ARL13B: variants seen among roughly 807,000 people sequenced by gnomAD.
ARL13B encodes the protein ARF like GTPase 13B.
A neutral mutation model predicts 56.1 loss-of-function variants in ARL13B; 36 were observed. The observed-to-expected ratio is 0.64, with a 90% CI of 0.49 to 0.85. The LOEUF (loss-of-function observed/expected upper bound fraction) is 0.85. Among genes scored for constraint, ARL13B ranks in the 40% least tolerant of loss-of-function variants. The probability of loss-of-function intolerance (pLI) is 0.00; values close to 1 mark genes in which losing one functional copy is unlikely to be tolerated. For synonymous variants in ARL13B, 178 were observed against 171.1 expected, an observed-to-expected ratio of 1.04 and a Z score of -0.32; for missense variants, 519 against 507.1, an observed-to-expected ratio of 1.02 and a Z score of -0.23.
chr3:94,045,477 AAAG>A (rs1273882483), intron 7 of ARL13B, among the ~76,000 whole-genome samples: 2 of 151,924 alleles, frequency 1.3e-5, no homozygotes, highest in Admixed American at 6.5e-5. Flanking sequence ...GAAAGAAAAA[AAAG>A]AGTTAAAATG....
At chr3:94,039,656 A>G (rs2076829310) in intron 5 of ARL13B, among the ~76,000 whole-genome samples, 1 of 152,160 alleles carries the variant, frequency 6.6e-6, no homozygotes, top group Non-Finnish European at 1.5e-5. Flanking sequence ...CTCATAGGAA[A>G]TGTCATTTTT....
intron 3 of ARL13B, among the ~76,000 whole-genome samples, chr3:94,035,041 GC>G (rs2076742371): frequency 6.6e-6 from 1 of 152,066 alleles, no homozygotes; most frequent in South Asian, 2.1e-4. Context: ...TTCAAGACCA[GC>G]CTGGCCAACA....
At chr3:93,991,656 C>T (rs1194715384) in intron 1 of ARL13B, among the ~76,000 whole-genome samples, 1 of 152,164 alleles carries the variant, frequency 6.6e-6, no homozygotes, top group East Asian at 1.9e-4. Context: ...CAGGTGTGAG[C>T]CACCATGTCC....
rs752593584 is a variant in ARL13B at position 94,043,003 on chromosome 3, ATTTT to A, written c.799-9_799-6del. On this transcript the variant is annotated splice_region_variant and splice_polypyrimidine_tract_variant and intron_variant, in intron 6 of 9. Coordinates refer to ENST00000394222, the MANE Select transcript of ARL13B (RefSeq NM_001174150.2). ...CATCATAGTAAAGATAATGTATTTT[ATTTT>A]TTGTTAGAATGAAGGAAAACTTGAA... 8.8e-6 allele frequency: 14 copies of A among 1,584,014 alleles called. No individual in the cohort carries two copies.
chr3:93,988,083 A>G (rs1006514135), intron 1 of ARL13B, among the ~76,000 whole-genome samples: 15 of 152,282 alleles, frequency 9.9e-5, no homozygotes, highest in Non-Finnish European at 2.1e-4. Flanking sequence ...GTTTAATAGC[A>G]TGTACACTAT....
At chr3:94,036,321 T>C (rs1365915917) in intron 4 of ARL13B, among the ~76,000 whole-genome samples, 1 of 152,146 alleles carries the variant, frequency 6.6e-6, no homozygotes, top group Non-Finnish European at 1.5e-5. Context: ...TGTCACCCTC[T>C]TCTTTATAAT....
At chr3:94,044,838 C>T (rs1330992709) in intron 7 of ARL13B, among the ~76,000 whole-genome samples, 4 of 145,398 alleles carry the variant, frequency 2.8e-5, no homozygotes, top group Non-Finnish European at 6.0e-5. Flanking sequence ...TCTGCCCGGC[C>T]GCCCCGTCTG....
At chr3:93,981,417 G>C (rs1415762119) in intron 1 of ARL13B, among the ~76,000 whole-genome samples, 1 of 151,632 alleles carries the variant, frequency 6.6e-6, no homozygotes, top group Non-Finnish European at 1.5e-5. Flanking sequence ...CCATGAGAAT[G>C]AACTATCCTT....
chr3:94,045,392 A>G (rs1157976107), intron 7 of ARL13B, among the ~76,000 whole-genome samples: 8 of 151,054 alleles, frequency 5.3e-5, no homozygotes, highest in Non-Finnish European at 8.9e-5. Context: ...CTATTATCCT[A>G]TGACCGTGCC....
At position 94,049,536 on chromosome 3, in the gene ARL13B, T is replaced by A. The variant is rs1229236448; in HGVS notation, c.1141+14T>A. ...CCCCTCCTCCTGGTGAGTAAATTGATACTGATACTGAATTTAGAAATATTG... is the reference window on the plus strand; with the variant it reads ...CCCCTCCTCCTGGTGAGTAAATTGAAACTGATACTGAATTTAGAAATATTG... On this transcript the variant is annotated intron_variant, in intron 8 of 9. Coordinates refer to ENST00000394222, the MANE Select transcript of ARL13B (RefSeq NM_001174150.2). 6.9e-7 allele frequency: 1 copy of A among 1,442,168 alleles called. No homozygotes were observed. Among genetic ancestry groups the A allele is most frequent in the Non-Finnish European group, 9.7e-7 (1 of 1,031,574 alleles). 89.3% of individuals were successfully genotyped at this position (1,442,168 alleles called of 1,614,324 possible). A position where few individuals can be genotyped will look rare whatever the true frequency, so the allele number is the denominator to read the frequency against.
chr3:94,010,519 A>G (rs905162316), intron 3 of ARL13B, among the ~76,000 whole-genome samples: 4 of 152,034 alleles, frequency 2.6e-5, no homozygotes, highest in East Asian at 3.9e-4. Context: ...CAGTATTGCA[A>G]TATTTTGCCT....
intron 3 of ARL13B, among the ~76,000 whole-genome samples, chr3:94,023,212 A>C (rs958103872): frequency 1.3e-5 from 2 of 152,236 alleles, no homozygotes; most frequent in South Asian, 4.1e-4. Context: ...TTTTCTGTGG[A>C]TATAAGTTTC....
At chr3:94,003,607 G>A (rs2076087458) in intron 2 of ARL13B, 52 bp from the exon 3 acceptor site, 15 of 1,583,816 alleles carry the variant, frequency 9.5e-6, no homozygotes, top group South Asian at 6.8e-5. Flanking sequence ...AAAAATTAAC[G>A]TTGTCAATTA....
At chr3:94,044,921 C>G (rs2076954886) in intron 7 of ARL13B, among the ~76,000 whole-genome samples, 1 of 152,178 alleles carries the variant, frequency 6.6e-6, no homozygotes, top group African/African-American at 2.4e-5. Context: ...GCCGCCGCAT[C>G]TGGGAGGTGT....
chr3:94,043,071 T>C lies in ARL13B; in HGVS notation c.855T>C (p.Asp285=). 1 of 1,613,372 alleles carries C rather than the reference T, an allele frequency of 6.2e-7. No homozygotes were observed. The highest frequency in any genetic ancestry group is 8.5e-7 in the Non-Finnish European group (1 of 1,179,892). The change falls in exon 7 of 10, where the codon GAT becomes GAC. Residue 285 remains aspartate (D), a synonymous_variant. Coordinates refer to ENST00000394222, the MANE Select transcript of ARL13B (RefSeq NM_001174150.2). Reference sequence around the variant, plus strand: ...ACCAAAAAATGGAGAAAGACAGTGATGGCTGCCACCTGAAACATAAAATGG... The same window carrying C: ...ACCAAAAAATGGAGAAAGACAGTGACGGCTGCCACCTGAAACATAAAATGG... ...KKNQKMEKDS[D]GCHLKHKMEH...
chr3:94,015,422 C>T (rs1457234706), intron 3 of ARL13B: 3 of 537,698 alleles, frequency 5.6e-6, no homozygotes, highest in Non-Finnish European at 9.2e-6. Context: ...TAGAAAAAAC[C>T]AATGAGTTTC....
At chr3:94,040,628 C>A (rs1235988488) in intron 6 of ARL13B, among the ~76,000 whole-genome samples, 1 of 150,474 alleles carries the variant, frequency 6.6e-6, no homozygotes, top group Non-Finnish European at 1.5e-5. Flanking sequence ...AGCAGCGATG[C>A]CTCTTCTGAG....
At chr3:94,029,577 G>T (rs2107075095) in intron 3 of ARL13B, among the ~76,000 whole-genome samples, 1 of 151,582 alleles carries the variant, frequency 6.6e-6, no homozygotes, top group African/African-American at 2.4e-5. Flanking sequence ...CTGACCTCAG[G>T]TGATCCACCT....
intron 9 of ARL13B, among the ~76,000 whole-genome samples, chr3:94,052,895 G>A (rs115219282): frequency 1.6e-3 from 237 of 152,200 alleles, no homozygotes; most frequent in African/African-American, 5.6e-3. Flanking sequence ...ATAACATAAG[G>A]AAGGAATATT....
Sources: gnomAD v4.1 joint callset for allele counts (sites outside exome capture counted in the v4.1 genomes callset) on GRCh38, gnomAD v4.1.1 for gene constraint, MANE v1.5 for transcripts, NCBI Gene and HGNC (gene_info 2026-07-23, HGNC 2026-07-21) for gene names.